KIAA1217: variants seen among roughly 807,000 people sequenced by gnomAD.
KIAA1217 encodes sickle tail protein homolog.
KIAA1217 carries 88 observed loss-of-function variants against 163.9 expected under a neutral mutation model. The observed-to-expected ratio is 0.54, with a 90% CI of 0.45 to 0.64. KIAA1217 has a LOEUF of 0.64. Ranked by LOEUF, KIAA1217 falls within the 30% of genes least tolerant of loss-of-function variation. The probability of loss-of-function intolerance (pLI) is 0.00; values close to 1 mark genes in which losing one functional copy is unlikely to be tolerated. For missense variants in KIAA1217, 2,372 were observed against 2,475.0 expected (o/e 0.96, Z 0.88); for synonymous variants, 903 against 923.1 (o/e 0.98, Z 0.39).
At chr10:23,898,828 A>T (rs557544262) in intron 1 of KIAA1217, among the ~76,000 whole-genome samples, 1 of 152,050 alleles carries the variant, frequency 6.6e-6, no homozygotes, top group Non-Finnish European at 1.5e-5. Context: ...GGAATCATAC[A>T]GTATTTGTCT....
intron 3 of KIAA1217, among the ~76,000 whole-genome samples, chr10:24,428,038 T>C (rs1248119705): frequency 2.0e-5 from 3 of 150,840 alleles, no homozygotes; most frequent in African/African-American, 7.4e-5. Context: ...GAGGTAACTA[T>C]AGTTTAGGCC....
At chr10:24,176,999 G>T (rs910943954) in intron 2 of KIAA1217, among the ~76,000 whole-genome samples, 11 of 151,924 alleles carry the variant, frequency 7.2e-5, no homozygotes, top group Admixed American at 2.6e-4. Flanking sequence ...GGGGCCGGTG[G>T]TGCCAGCTGG....
chr10:23,722,413 A>T (rs1471532495), intron 1 of KIAA1217, among the ~76,000 whole-genome samples: 1 of 152,080 alleles, frequency 6.6e-6, no homozygotes, highest in Non-Finnish European at 1.5e-5. Flanking sequence ...TTAAAAATAG[A>T]TATGAAAAGA....
intron 2 of KIAA1217, among the ~76,000 whole-genome samples, chr10:24,223,266 T>C (rs2069920595): frequency 6.6e-6 from 1 of 152,172 alleles, no homozygotes; most frequent in Non-Finnish European, 1.5e-5. Flanking sequence ...CCCCTAACAC[T>C]GTCATTGCCC....
intron 1 of KIAA1217, among the ~76,000 whole-genome samples, chr10:23,837,046 A>AT (rs1838498613): frequency 6.6e-6 from 1 of 152,104 alleles, no homozygotes; most frequent in Admixed American, 6.6e-5. Flanking sequence ...CGTGTCTATA[A>AT]TTCCACACTC....
chr10:24,175,374 T>A (rs565578235), intron 2 of KIAA1217, among the ~76,000 whole-genome samples: 1 of 152,270 alleles, frequency 6.6e-6, no homozygotes, highest in East Asian at 1.9e-4. Context: ...TCCAATTCCA[T>A]CCAGGTAGCT....
intron 1 of KIAA1217, among the ~76,000 whole-genome samples, chr10:23,968,745 A>G (rs1293355906): frequency 6.6e-6 from 1 of 152,116 alleles, no homozygotes; most frequent in African/African-American, 2.4e-5. Flanking sequence ...TTTATGACTG[A>G]CTTCTTTAAT....
At chr10:24,035,549 T>C (rs537191330) in intron 2 of KIAA1217, among the ~76,000 whole-genome samples, 1 of 152,190 alleles carries the variant, frequency 6.6e-6, no homozygotes, top group Non-Finnish European at 1.5e-5. Context: ...CTCTCCAGCT[T>C]CTGAGGCAGA....
chr10:24,304,185 C>T lies in KIAA1217; in HGVS notation c.355-76684C>T, dbSNP rs1269796567. On this transcript the variant is annotated intron_variant, in intron 2 of 20. Coordinates refer to ENST00000376454, the MANE Select transcript of KIAA1217 (RefSeq NM_019590.5). ...TCAGTTTGTCATTGCTTCATCATTT[C>T]GAATTCCATATTAGGTTACCTTTTT... is the stretch of plus-strand genomic sequence containing the variant. 7.8e-5 allele frequency among the ~76,000 whole-genome samples: 11 copies of T among 141,774 alleles called. No individual in the cohort carries two copies. The East Asian group carries it at 8.6e-4, about 11-fold the overall frequency. The allele number at this position is 141,774 out of a possible 152,430, so 93.0% of individuals were successfully genotyped here. A position where few individuals can be genotyped will look rare whatever the true frequency, so the allele number is the denominator to read the frequency against.
At chr10:24,017,943 G>A (rs1847561431) in intron 2 of KIAA1217, among the ~76,000 whole-genome samples, 1 of 152,032 alleles carries the variant, frequency 6.6e-6, no homozygotes, top group Admixed American at 6.6e-5. Context: ...ACTGTTTAGG[G>A]AGAGCACAAA....
intron 1 of KIAA1217, among the ~76,000 whole-genome samples, chr10:23,718,761 G>A (rs1281993854): frequency 7.0e-6 from 1 of 142,588 alleles, no homozygotes; most frequent in African/African-American, 2.5e-5. Flanking sequence ...TTATTTAGAT[G>A]AAATACCTAA....
rs1164673227 is a variant in KIAA1217, at chr10:24,107,319, A to G, written c.-171+99945A>G. Among the ~76,000 whole-genome samples, 4 of 152,198 alleles carry G rather than the reference A, an allele frequency of 2.6e-5. No homozygotes were observed. The East Asian group carries it at 7.7e-4, about 29-fold the overall frequency. On this transcript the variant is annotated intron_variant, in intron 2 of 18. Coordinates refer to the KIAA1217 transcript ENST00000376462. Reference sequence around the variant, plus strand: ...TCTAGATTGATTCCATGTCTTCACTATTGTGAATAGTGCTGTGATGAACAT... The same window carrying G: ...TCTAGATTGATTCCATGTCTTCACTGTTGTGAATAGTGCTGTGATGAACAT...
intron 3 of KIAA1217, among the ~76,000 whole-genome samples, chr10:24,418,521 C>T (rs1227542878): frequency 3.3e-5 from 5 of 152,214 alleles, no homozygotes; most frequent in Admixed American, 3.3e-4. Context: ...AAAAATAGCA[C>T]TTCATGCTGA....
intron 2 of KIAA1217, among the ~76,000 whole-genome samples, chr10:24,287,356 A>C (rs922530147): frequency 6.6e-6 from 1 of 152,106 alleles, no homozygotes; most frequent in Non-Finnish European, 1.5e-5. Flanking sequence ...TGGCCATCTC[A>C]CTTGTTTTGA....
chr10:23,786,493 C>T (rs898691315), intron 1 of KIAA1217, among the ~76,000 whole-genome samples: 2 of 150,380 alleles, frequency 1.3e-5, no homozygotes, highest in African/African-American at 4.9e-5. Context: ...ACCACAAATA[C>T]CATTTCTACC....
intron 2 of KIAA1217, among the ~76,000 whole-genome samples, chr10:24,365,680 A>G (rs185278555): frequency 1.3e-5 from 2 of 151,998 alleles, no homozygotes; most frequent in Non-Finnish European, 2.9e-5. Flanking sequence ...TTTCTCTTCA[A>G]GGTCTCTTCA....
At chr10:23,803,379 C>T (rs1019532875) in intron 1 of KIAA1217, among the ~76,000 whole-genome samples, 2 of 152,210 alleles carry the variant, frequency 1.3e-5, no homozygotes, top group Non-Finnish European at 2.9e-5. Flanking sequence ...ATGCCCCACA[C>T]CAGGGGCAGC....
intron 2 of KIAA1217, among the ~76,000 whole-genome samples, chr10:24,163,234 G>T (rs1362158605): frequency 2.0e-5 from 3 of 152,182 alleles, no homozygotes; most frequent in African/African-American, 7.2e-5. Context: ...AAGACTAGTA[G>T]ACTGCTAGTA....
At chr10:23,784,290 A>AT (rs1564416554) in intron 1 of KIAA1217, among the ~76,000 whole-genome samples, 1 of 151,980 alleles carries the variant, frequency 6.6e-6, no homozygotes, top group Admixed American at 6.6e-5. Context: ...TTTGTTAGGA[A>AT]TTTTTTTTAA....
Sources: gnomAD v4.1 joint callset for allele counts (sites outside exome capture counted in the v4.1 genomes callset) on GRCh38, gnomAD v4.1.1 for gene constraint, MANE v1.5 for transcripts, NCBI Gene and HGNC (gene_info 2026-07-23, HGNC 2026-07-21) for gene names.